Variants in MALRD1 observed in about 807,000 individuals in gnomAD.
MALRD1 encodes MAM and LDL receptor class A domain containing 1, also known as MAM and LDL-receptor class A domain-containing protein 1.
MALRD1 carries 247 observed loss-of-function variants against 242.1 expected under a neutral mutation model. The ratio of observed to expected loss-of-function variants is 1.02; its 90% CI spans 0.92 to 1.13. The LOEUF is 1.13. MALRD1 is among the 50% of genes most tolerant of loss of function. The pLI, the probability that MALRD1 is intolerant of heterozygous loss-of-function variation, is 0.00. For synonymous variants in MALRD1, 995 were observed against 866.6 expected (o/e 1.15, Z -2.60); for missense variants, 2,989 against 2,533.1 (o/e 1.18, Z -3.86).
In MALRD1 at chr10:19,209,483, A is replaced by G. The variant is rs1324094613; in HGVS notation, c.2794A>G (p.Ile932Val). Residue 932 changes from isoleucine to valine, a missense_variant, in exon 18 of 40, where the codon ATC (isoleucine) becomes GTC (valine). Transcript: ENST00000454679. ...AGACAGTGCTGCCTTACTCAGCCCA[A>G]TCCTTAATGCCACTGATACAAAAGG... Reference protein sequence around the residue: ...FQDSAALLSPILNATDTKGCT... With the variant: ...FQDSAALLSPVLNATDTKGCT... 2 of 1,550,812 alleles carry G rather than the reference A, an allele frequency of 1.3e-6. No individual in the cohort carries two copies. The highest frequency in any genetic ancestry group is 3.9e-5 in the Admixed American group (2 of 50,998).
chr10:19,347,406 T>C (rs1182564543), intron 24 of MALRD1, among the ~76,000 whole-genome samples: 5 of 152,168 alleles, frequency 3.3e-5, no homozygotes, highest in African/African-American at 9.7e-5. Flanking sequence ...CAACCTAAAA[T>C]GTATTGCAGA....
At chr10:19,581,544 T>A (rs1436091410) in intron 33 of MALRD1, among the ~76,000 whole-genome samples, 1 of 151,018 alleles carries the variant, frequency 6.6e-6, no homozygotes, top group African/African-American at 2.4e-5. Context: ...ACAAAGGACA[T>A]GAACTCATCA....
chr10:19,109,476 G>A (rs1441572504), intron 5 of MALRD1, among the ~76,000 whole-genome samples: 3 of 152,178 alleles, frequency 2.0e-5, no homozygotes, highest in East Asian at 3.9e-4. Context: ...TAATTTGGGG[G>A]TAAAGACATC....
intron 31 of MALRD1, among the ~76,000 whole-genome samples, chr10:19,517,112 C>T (rs556476978): frequency 2.6e-5 from 4 of 152,282 alleles, no homozygotes; most frequent in Non-Finnish European, 4.4e-5. Context: ...TTCTAACAAA[C>T]GTTTTTCTGA....
At chr10:19,097,266 C>T (rs1164414832) in intron 4 of MALRD1, among the ~76,000 whole-genome samples, 2 of 152,112 alleles carry the variant, frequency 1.3e-5, no homozygotes, top group Non-Finnish European at 2.9e-5. Flanking sequence ...GATTTCAGAT[C>T]TCAATTACTG....
In MALRD1 at chr10:19,165,717, G is replaced by A. The variant is rs559940964; in HGVS notation, c.1737G>A (p.Lys579=). ...CGTCTCTAGATGGAAACTTGCAAAA[G>A]CAGGGCAAAATAATCAGATTCTCCG... ...TRTSLDGNLQ[K]QGKIIRFSES... is the part of the protein sequence containing the mutation. Residue 579 remains lysine (K), a synonymous_variant, in exon 13 of 40, where the codon AAG becomes AAA. Transcript: ENST00000454679. 3.2e-6 allele frequency: 4 copies of A among 1,231,640 alleles called. No homozygotes were observed. Among genetic ancestry groups the A allele is most frequent in the African/African-American group, 3.1e-5 (2 of 64,518 alleles). 76.3% of individuals were successfully genotyped at this position (1,231,640 alleles called of 1,614,324 possible).
At chr10:19,148,576 A>G (rs1357496724) in intron 11 of MALRD1, among the ~76,000 whole-genome samples, 2 of 151,872 alleles carry the variant, frequency 1.3e-5, no homozygotes, top group Non-Finnish European at 2.9e-5. Flanking sequence ...GCCATCTTAT[A>G]ATTACTACAT....
intron 38 of MALRD1, among the ~76,000 whole-genome samples, chr10:19,699,407 A>G (rs1216421957): frequency 6.6e-6 from 1 of 152,036 alleles, no homozygotes; most frequent in Non-Finnish European, 1.5e-5. Context: ...CTTTCAGTCC[A>G]TTTGAGGAAA....
intron 18 of MALRD1, among the ~76,000 whole-genome samples, chr10:19,228,797 C>G (rs754709799): frequency 6.6e-6 from 1 of 152,038 alleles, no homozygotes; most frequent in Admixed American, 6.6e-5. Flanking sequence ...AGAATATACA[C>G]GTGTTTTCTT....
At chr10:19,463,099 G>A (rs929061043) in intron 29 of MALRD1, among the ~76,000 whole-genome samples, 2 of 152,098 alleles carry the variant, frequency 1.3e-5, no homozygotes, top group African/African-American at 4.8e-5. Flanking sequence ...ATATATATTT[G>A]TATAGAGAAC....
At chr10:19,283,383 A>G (rs2131889328) in intron 21 of MALRD1, among the ~76,000 whole-genome samples, 1 of 152,316 alleles carries the variant, frequency 6.6e-6, no homozygotes, top group Non-Finnish European at 1.5e-5. Context: ...TTTCATAGAA[A>G]CCGGAGAAGA....
chr10:19,166,657 T>C (rs1053349620), intron 13 of MALRD1, among the ~76,000 whole-genome samples: 1 of 152,214 alleles, frequency 6.6e-6, no homozygotes, highest in African/African-American at 2.4e-5. Flanking sequence ...TGACACATTA[T>C]ATGCATGTAT....
chr10:19,067,709 T>TC lies in MALRD1; in HGVS notation c.340+851dup, dbSNP rs1446370691. ...TAAATTAAGTTTTGAGCCTTAGTTT[T>TC]CACAATTTTAAGAGGGGAAATAATG... is the stretch of plus-strand genomic sequence containing the variant. On this transcript the variant is annotated intron_variant, in intron 2 of 39. Transcript: ENST00000454679. 6.6e-5 allele frequency among the ~76,000 whole-genome samples: 10 copies of TC among 152,224 alleles called. No homozygotes were observed. The East Asian group carries it at 1.9e-3, about 29-fold the overall frequency.
At chr10:19,462,810 G>A (rs1283477686) in intron 29 of MALRD1, among the ~76,000 whole-genome samples, 1 of 152,120 alleles carries the variant, frequency 6.6e-6, no homozygotes, top group Non-Finnish European at 1.5e-5. Context: ...ACGGAGAGGG[G>A]GCTGCCTGAA....
chr10:19,216,958 AT>A (rs200021301), intron 18 of MALRD1, among the ~76,000 whole-genome samples: 2,031 of 96,432 alleles, frequency 0.021, 54 homozygotes, highest in African/African-American at 0.059. Flanking sequence ...AAAAAAAAAA[AT>A]AAAAATAAAA....
At chr10:19,647,343 A>G (rs558761328) in intron 36 of MALRD1, among the ~76,000 whole-genome samples, 1 of 152,302 alleles carries the variant, frequency 6.6e-6, no homozygotes, top group East Asian at 1.9e-4. Flanking sequence ...GCACACCACT[A>G]TTAGACCAGC....
Position 19,182,324 on chromosome 10 carries a change from A to ATTTTTTT in MALRD1, c.1951+7014_1951+7020dup, listed in dbSNP as rs34790120. Reference sequence around the variant, plus strand: ...AACACAGTCTGCCTCCAAAACCTACATTTTTTTTTTTTTTTTTTTTTTTTG... The same window carrying ATTTTTTT: ...AACACAGTCTGCCTCCAAAACCTACATTTTTTTTTTTTTTTTTTTTTTTTTTTTTTTG... On this transcript the variant is annotated intron_variant, in intron 14 of 39. Coordinates refer to ENST00000454679, the MANE Select transcript of MALRD1 (RefSeq NM_001142308.3). Among the ~76,000 whole-genome samples, 333 of 81,968 alleles carry ATTTTTTT rather than the reference A, an allele frequency of 4.1e-3. 10 individuals carry two copies. Among genetic ancestry groups the ATTTTTTT allele is most frequent in the Non-Finnish European group, 5.8e-3 (266 of 45,618 alleles). 53.8% of individuals were successfully genotyped at this position (81,968 alleles called of 152,430 possible).
chr10:19,206,922 C>T (rs370861836), intron 17 of MALRD1, among the ~76,000 whole-genome samples: 2 of 152,088 alleles, frequency 1.3e-5, no homozygotes, highest in East Asian at 3.9e-4. Context: ...CCCTGTGTCC[C>T]CCCAAGTTCA....
At chr10:19,694,108 A>G (rs1262735984) in intron 38 of MALRD1, among the ~76,000 whole-genome samples, 1 of 152,236 alleles carries the variant, frequency 6.6e-6, no homozygotes, top group Admixed American at 6.5e-5. Flanking sequence ...TGTTAGACCT[A>G]AAACCATAAA....
Sources: allele counts gnomAD v4.1 joint callset (sites outside exome capture counted in the v4.1 genomes callset), GRCh38; gene constraint gnomAD v4.1.1; transcripts MANE v1.5; gene names NCBI Gene and HGNC (gene_info 2026-07-23, HGNC 2026-07-21).